The following PPIL2 variants were observed in gnomAD, a reference collection of about 807,000 sequenced individuals.
The protein encoded by PPIL2 is RING-type E3 ubiquitin-protein ligase PPIL2.
Under a neutral mutation model 75.2 loss-of-function variants are expected in PPIL2, and 50 were observed. That is an observed-to-expected ratio of 0.66 (90% CI 0.53 to 0.84). The LOEUF (loss-of-function observed/expected upper bound fraction) is 0.84, where lower values mean the gene tolerates loss of function less well. PPIL2 is among the 40% of genes least tolerant of loss of function. The pLI, the probability that PPIL2 is intolerant of heterozygous loss-of-function variation, is 0.00. For missense variants in PPIL2, 590 were observed against 685.0 expected (o/e 0.86, Z 1.55); for synonymous variants, 245 against 258.8 (o/e 0.95, Z 0.51).
In PPIL2 at chr22:21,683,185, C is replaced by G; in HGVS notation, c.481C>G (p.Pro161Ala). 1 of 1,612,954 alleles carries G rather than the reference C, an allele frequency of 6.2e-7. No homozygotes were observed. Among genetic ancestry groups the G allele is most frequent in the South Asian group, 1.1e-5 (1 of 91,064 alleles). The change falls in exon 9 of 20, where the codon CCC becomes GCC. Residue 161 changes from proline (P) to alanine (A), a missense_variant. Coordinates refer to ENST00000398831, the MANE Select transcript of PPIL2 (RefSeq NM_014337.4). ...GGGCATTCTCTTTTTGCCACAGGACCCCACCAATTTGGACAAGTTCAATGT... is the reference window on the plus strand; with the variant it reads ...GGGCATTCTCTTTTTGCCACAGGACGCCACCAATTTGGACAAGTTCAATGT... ...SRQDIITLQD[P>A]TNLDKFNVSN... is the part of the protein sequence containing the mutation.
chr22:21,690,638 T>A (rs2067578774), intron 15 of PPIL2, among the ~76,000 whole-genome samples: 1 of 152,230 alleles, frequency 6.6e-6, no homozygotes, highest in Non-Finnish European at 1.5e-5. Flanking sequence ...TTTGTAATTG[T>A]TTTCAGTTTC....
intron 3 of PPIL2, 28 bp from the exon 4 acceptor site, chr22:21,670,969 C>T: frequency 1.9e-6 from 3 of 1,593,900 alleles, no homozygotes; most frequent in Non-Finnish European, 1.7e-6. Context: ...TGCGTGGCAA[C>T]TCACCAGGAA....
chr22:21,698,920 T>G (rs1207562658), downstream of PPIL2: 1 of 152,436 alleles, frequency 6.6e-6, no homozygotes, highest in Admixed American at 6.5e-5. Flanking sequence ...ATGTGGAGGC[T>G]TCCAAGACAG....
At chr22:21,682,402 G>A in intron 7 of PPIL2, 35 bp from the exon 8 acceptor site, 1 of 1,574,216 alleles carries the variant, frequency 6.4e-7, no homozygotes, top group South Asian at 1.1e-5. Flanking sequence ...AAGGCTTGGG[G>A]CAGGCATCGT....
At chr22:21,675,521 C>A (rs188695492) in intron 6 of PPIL2, among the ~76,000 whole-genome samples, 2 of 151,444 alleles carry the variant, frequency 1.3e-5, no homozygotes, top group Non-Finnish European at 2.9e-5. Context: ...GGCAACAGAG[C>A]GAGACTCTGT....
intron 5 of PPIL2, 87 bp from the exon 6 acceptor site, chr22:21,674,977 G>C: frequency 5.5e-6 from 7 of 1,281,996 alleles, no homozygotes; most frequent in Non-Finnish European, 7.8e-6. Context: ...CCTAGTCAGA[G>C]ACTTTTCCTG....
chr22:21,698,019 C>T (rs544925674), downstream of PPIL2: 1 of 152,416 alleles, frequency 6.6e-6, no homozygotes, highest in South Asian at 2.1e-4. Context: ...AGCAAATGCA[C>T]TGTGCCATTT....
At chr22:21,694,700 G>GGGCCAGGCAGGCA in intron 17 of PPIL2, 35 bp downstream of exon 17, 1 of 1,613,192 alleles carries the variant, frequency 6.2e-7, no homozygotes. Context: ...TGGCGGCTGG[G>GGGCCAGGCAGGCA]GGCCAGGCAG....
At chr22:21,687,067 A>G in intron 12 of PPIL2, 69 bp downstream of exon 12, 1 of 1,400,714 alleles carries the variant, frequency 7.1e-7, no homozygotes. Context: ...GCCATGTCTT[A>G]AATATAGGGC....
rs376997764 is a variant in PPIL2 at position 21,694,650 on chromosome 22, A to G, written c.1254A>G (p.Lys418=). 2.5e-6 allele frequency: 4 copies of G among 1,613,950 alleles called. No individual in the cohort carries two copies. In the African/African-American group the frequency reaches 4.0e-5, roughly 16 times the overall value. Residue 418 remains lysine, a synonymous_variant, in exon 17 of 20, where the codon AAA becomes AAG. Transcript: ENST00000398831. ...TGGAGAATGTGGAGAGTGACCCCAA[A>G]ACTGACCGCCCTAAGGTCTGTGCCC... The part of the protein sequence containing the change: ...TAMENVESDP[K]TDRPKEEIRI...
At chr22:21,692,899 C>T (rs573255645) in intron 15 of PPIL2, among the ~76,000 whole-genome samples, 36 of 148,974 alleles carry the variant, frequency 2.4e-4, no homozygotes, top group African/African-American at 8.9e-4. Context: ...GCACTCCAGC[C>T]TGGGGGACAG....
At chr22:21,683,315 T>A in intron 9 of PPIL2, 58 bp downstream of exon 9, 1 of 1,461,686 alleles carries the variant, frequency 6.8e-7, no homozygotes, top group Non-Finnish European at 9.6e-7. Flanking sequence ...ATTGGGACAG[T>A]GCTCCCTGGG....
At chr22:21,680,863 A>G (rs184144149) in intron 6 of PPIL2, among the ~76,000 whole-genome samples, 20 of 144,800 alleles carry the variant, frequency 1.4e-4, no homozygotes, top group African/African-American at 4.5e-4. Context: ...ACAGAGCAAA[A>G]CAAAAAAAAG....
chr22:21,692,405 T>C (rs5999092), intron 15 of PPIL2, among the ~76,000 whole-genome samples: 5,245 of 149,464 alleles, frequency 0.035, 141 homozygotes, highest in African/African-American at 0.078. Context: ...CCGCCCACCT[T>C]GGCCTCCCAA....
chr22:21,690,957 CTTTTTTTTTTTTT>C (rs34639269), intron 15 of PPIL2, among the ~76,000 whole-genome samples: 96 of 64,710 alleles, frequency 1.5e-3, no homozygotes, highest in African/African-American at 5.1e-3. Flanking sequence ...GCCACCTTCT[CTTTTTTTTTTTTT>C]TTTTTTTTTT....
At chr22:21,681,174 T>C (rs947448507) in intron 6 of PPIL2, 125 bp from the exon 7 acceptor site, 5 of 742,024 alleles carry the variant, frequency 6.7e-6, no homozygotes, top group Non-Finnish European at 1.2e-5. Context: ...GCAGCTGACA[T>C]GGGGTTCCAC....
chr22:21,696,305 T>G lies in PPIL2; in HGVS notation c.*815T>G, dbSNP rs988330885. The G allele has an allele frequency of 1.3e-4, 139 of 1,050,168 alleles. No individual in the cohort carries two copies. Among genetic ancestry groups the G allele is most frequent in the Non-Finnish European group, 1.6e-4 (135 of 869,062 alleles). 65.1% of individuals were successfully genotyped at this position (1,050,168 alleles called of 1,614,324 possible). A position where few individuals can be genotyped will look rare whatever the true frequency, so the allele number is the denominator to read the frequency against. ...CCTGCCTGGCGTCTCTGTGCCCCTGTGAGAATCTTGAGGGGACCCACACTG... is the reference window on the plus strand; with the variant it reads ...CCTGCCTGGCGTCTCTGTGCCCCTGGGAGAATCTTGAGGGGACCCACACTG... On this transcript the variant is annotated 3_prime_UTR_variant, in exon 20 of 20. Coordinates refer to ENST00000398831, the MANE Select transcript of PPIL2 (RefSeq NM_014337.4).
chr22:21,671,894 G>T (rs923002402), intron 4 of PPIL2, among the ~76,000 whole-genome samples: 17 of 152,146 alleles, frequency 1.1e-4, no homozygotes, highest in African/African-American at 4.1e-4. Context: ...CTACAAAAAA[G>T]TGCAAAAATT....
At chr22:21,676,979 G>C (rs1172958642) in intron 6 of PPIL2, among the ~76,000 whole-genome samples, 2 of 149,526 alleles carry the variant, frequency 1.3e-5, no homozygotes, top group Admixed American at 1.3e-4. Context: ...GCGGCCAGGC[G>C]GGGGCTGCCC....
Sources: gnomAD v4.1 joint callset for allele counts (sites outside exome capture counted in the v4.1 genomes callset) on GRCh38, gnomAD v4.1.1 for gene constraint, MANE v1.5 for transcripts, NCBI Gene and HGNC (gene_info 2026-07-23, HGNC 2026-07-21) for gene names.